Variants in DPP9 observed in about 807,000 individuals in gnomAD.
DPP9 encodes the protein dipeptidyl peptidase 9.
A neutral mutation model predicts 110.7 loss-of-function variants in DPP9; 50 were observed. The ratio of observed to expected loss-of-function variants is 0.45; its 90% CI spans 0.36 to 0.57. DPP9 has a LOEUF of 0.57. Among genes scored for constraint, DPP9 ranks in the 20% least tolerant of loss-of-function variants. The pLI, the probability that DPP9 is intolerant of heterozygous loss-of-function variation, is 0.00. For synonymous variants in DPP9, 561 were observed against 514.4 expected, an observed-to-expected ratio of 1.09 and a Z score of -1.23; for missense variants, 1,022 against 1,217.9, an observed-to-expected ratio of 0.84 and a Z score of 2.39.
At chr19:4,714,897 A>G (rs1000969100) in intron 3 of DPP9, among the ~76,000 whole-genome samples, 2 of 152,054 alleles carry the variant, frequency 1.3e-5, no homozygotes, top group African/African-American at 4.8e-5. Flanking sequence ...GCCTTCACTC[A>G]GCTCCTCAAA....
intron 10 of DPP9, among the ~76,000 whole-genome samples, chr19:4,699,575 G>A (rs2092087100): frequency 6.6e-6 from 1 of 152,164 alleles, no homozygotes. Context: ...GGTCACAGGT[G>A]TGGTCTGCTG....
chr19:4,683,125 G>T, intron 19 of DPP9: 1 of 1,468,218 alleles, frequency 6.8e-7, no homozygotes, highest in Middle Eastern at 2.4e-4. Flanking sequence ...CATCGCCGCC[G>T]CCCCGCAGTG....
chr19:4,723,017 G>T (rs1034787653), intron 1 of DPP9, among the ~76,000 whole-genome samples: 1 of 152,168 alleles, frequency 6.6e-6, no homozygotes, highest in African/African-American at 2.4e-5. Context: ...GAGAAGGGAG[G>T]CTGAGAGAAG....
chr19:4,722,738 AC>A, intron 1 of DPP9, 187 bp from the exon 2 acceptor site: 1 of 580,626 alleles, frequency 1.7e-6, no homozygotes, highest in Non-Finnish European at 3.1e-6. Context: ...AAGCCATCCC[AC>A]GGGCCCCGAT....
rs780405792 is a variant in DPP9 at position 4,694,719 on chromosome 19, G to C, written c.1458C>G (p.Val486=). 3 of 1,613,524 alleles carry C rather than the reference G, an allele frequency of 1.9e-6. No homozygotes were observed. The East Asian group carries it at 6.7e-5, about 36-fold the overall frequency. ...CKTGFCHLYK[V]TAVLKSQGYD... ...AGCCCTGGGATTTTAAAACGGCGGT[G>C]ACTTTGTACAAATGGCAGAAGCCGG... is the stretch of plus-strand genomic sequence containing the variant. The change falls in exon 13 of 22, where the codon GTC becomes GTG. Residue 486 remains valine, a synonymous_variant. Coordinates refer to ENST00000262960, the MANE Select transcript of DPP9 (RefSeq NM_139159.5). This position sits in a 1 kb window ranked among gnomAD's most constrained non-coding sequence, Gnocchi z 4.0.
intron 3 of DPP9, chr19:4,717,719 G>C (rs943347261): frequency 6.6e-6 from 1 of 152,256 alleles, no homozygotes; most frequent in Non-Finnish European, 1.5e-5. Flanking sequence ...GATGTGGCTA[G>C]ACTCTTTAGC....
At position 4,685,477 on chromosome 19, in the gene DPP9, A is replaced by C. The variant is rs1468206708; in HGVS notation, c.2031+149T>G. ...GTGAGGGGCCCCGAGGACCCTGTGT[A>C]GTCAGGGCAGGCGGGGTGGGCTGGG... On this transcript the variant is annotated intron_variant, in intron 17 of 21. Coordinates refer to ENST00000262960, the MANE Select transcript of DPP9 (RefSeq NM_139159.5). This position sits in a 1 kb window ranked among gnomAD's most constrained non-coding sequence, Gnocchi z 5.8. 1 of 887,934 alleles carries C rather than the reference A, an allele frequency of 1.1e-6. No individual in the cohort carries two copies. Among genetic ancestry groups the C allele is most frequent in the Non-Finnish European group, 1.7e-6 (1 of 571,578 alleles). The allele number at this position is 887,934 out of a possible 1,614,324, so 55.0% of individuals were successfully genotyped here.
intron 4 of DPP9, among the ~76,000 whole-genome samples, chr19:4,709,241 T>A (rs1482634139): frequency 6.6e-6 from 1 of 151,884 alleles, no homozygotes; most frequent in Non-Finnish European, 1.5e-5. Flanking sequence ...TTTTTTTTTT[T>A]AAAGAAAGAA....
chr19:4,710,240 C>T lies in DPP9; in HGVS notation c.313+3841G>A, dbSNP rs562913247. Among the ~76,000 whole-genome samples the T allele has an allele frequency of 6.6e-6, 1 of 152,322 alleles. No individual in the cohort carries two copies. Among genetic ancestry groups the T allele is most frequent in the East Asian group, 1.9e-4 (1 of 5,178 alleles). The stretch of plus-strand genomic sequence containing the variant: ...TCGAGTGGCTGGCCTGGTGGGGGAT[C>T]GTGATCCACACAGGGCTAGGGCTCT... On this transcript the variant is annotated intron_variant, in intron 4 of 21. Coordinates refer to ENST00000262960, the MANE Select transcript of DPP9 (RefSeq NM_139159.5). The surrounding 1 kb of genome is among the most constrained non-coding windows in gnomAD (Gnocchi z 5.6).
intron 19 of DPP9, 97 bp downstream of exon 19, chr19:4,683,380 G>C: frequency 5.1e-6 from 8 of 1,554,106 alleles, no homozygotes; most frequent in Non-Finnish European, 7.0e-6. Flanking sequence ...TCCCCGGTAG[G>C]TGGGCTCCGG....
At chr19:4,683,127 C>T in intron 19 of DPP9, 2 of 1,470,312 alleles carry the variant, frequency 1.4e-6, no homozygotes, top group African/African-American at 1.4e-5. Flanking sequence ...TCGCCGCCGC[C>T]CCGCAGTGCC....
intron 13 of DPP9, among the ~76,000 whole-genome samples, chr19:4,691,838 C>T (rs914358664): frequency 4.0e-5 from 6 of 150,970 alleles, no homozygotes; most frequent in African/African-American, 7.3e-5. Flanking sequence ...CCACCATGCC[C>T]GGCTGGATTT....
At chr19:4,697,851 A>C (rs2091930644) in intron 10 of DPP9, among the ~76,000 whole-genome samples, 200 bp from the exon 11 acceptor site, 1 of 150,986 alleles carries the variant, frequency 6.6e-6, no homozygotes, top group Non-Finnish European at 1.5e-5. Context: ...TGTGTGGATG[A>C]GGGTGGGCCC....
rs2090638403 is a variant in DPP9 at position 4,685,938 on chromosome 19, A to G, written c.1886-167T>C. ...AAAAAACGTTTTTTTTTCATTAAAT[A>G]AGATTTGTACAGTTTTTGTAGAGAT... On this transcript the variant is annotated intron_variant, in intron 16 of 21. Coordinates refer to ENST00000262960, the MANE Select transcript of DPP9 (RefSeq NM_139159.5). The surrounding 1 kb of genome is among the most constrained non-coding windows in gnomAD (Gnocchi z 5.8). 1.4e-6 allele frequency: 1 copy of G among 734,550 alleles called. No individual in the cohort carries two copies. The highest frequency in any genetic ancestry group is 1.8e-5 in the African/African-American group (1 of 56,024). 45.5% of individuals were successfully genotyped at this position (734,550 alleles called of 1,614,324 possible). A position where few individuals can be genotyped will look rare whatever the true frequency, so the allele number is the denominator to read the frequency against.
At position 4,676,706 on chromosome 19, in the gene DPP9, G is replaced by A. The variant is rs1341369635; in HGVS notation, c.2587-50C>T. On this transcript the variant is annotated intron_variant, in intron 21 of 21. Transcript: ENST00000262960. The surrounding 1 kb of genome is among the most constrained non-coding windows in gnomAD (Gnocchi z 4.0). ...TGGGGGGCGTGGCCGGACCACCCCC[G>A]TGTCCTAGGCTCCTCCCTTATTCTG... 6.9e-7 allele frequency: 1 copy of A among 1,456,704 alleles called. No homozygotes were observed. Among genetic ancestry groups the A allele is most frequent in the South Asian group, 1.2e-5 (1 of 82,710 alleles). 90.2% of individuals were successfully genotyped at this position (1,456,704 alleles called of 1,614,324 possible). A position where few individuals can be genotyped will look rare whatever the true frequency, so the allele number is the denominator to read the frequency against.
At chr19:4,722,141 G>A in intron 2 of DPP9, 1 of 262,148 alleles carries the variant, frequency 3.8e-6, no homozygotes, top group Admixed American at 5.1e-5. Context: ...CCACAGGAAG[G>A]GGGAGACTCA....
In DPP9 at chr19:4,687,034, G is replaced by T. The variant is rs548709289; in HGVS notation, c.1886-1263C>A. On this transcript the variant is annotated intron_variant, in intron 16 of 21. Coordinates refer to ENST00000262960, the MANE Select transcript of DPP9 (RefSeq NM_139159.5). This position sits in a 1 kb window ranked among gnomAD's most constrained non-coding sequence, Gnocchi z 4.7. The stretch of plus-strand genomic sequence containing the variant: ...CGGGAAACAGTGCCTCGTTCCCCAG[G>T]GCACTGAGGTTCTGGTCTCTGCCCC... Among the ~76,000 whole-genome samples, 2 of 152,272 alleles carry T rather than the reference G, an allele frequency of 1.3e-5. No individual in the cohort carries two copies. Among genetic ancestry groups the T allele is most frequent in the East Asian group, 3.9e-4 (2 of 5,180 alleles).
At chr19:4,706,612 T>G (rs1267483571) in intron 4 of DPP9, among the ~76,000 whole-genome samples, 1 of 152,022 alleles carries the variant, frequency 6.6e-6, no homozygotes, top group Non-Finnish European at 1.5e-5. Context: ...GGTCAGGAGT[T>G]CGAGACCAGA....
In DPP9 at chr19:4,722,545, CA is replaced by C; in HGVS notation, c.-83del. On this transcript the variant is annotated 5_prime_UTR_variant, in exon 2 of 22. Transcript: ENST00000262960. The stretch of plus-strand genomic sequence containing the variant: ...CTCCATTCCAGCTGCAGGCGTGGGA[CA>C]CAGACCTTTATAGGATAAACATGTC... 1.4e-6 allele frequency: 1 copy of C among 703,144 alleles called. No homozygotes were observed. The highest frequency in any genetic ancestry group is 1.7e-5 in the African/African-American group (1 of 57,384). 43.6% of individuals were successfully genotyped at this position (703,144 alleles called of 1,614,324 possible).
Sources: allele counts gnomAD v4.1 joint callset (sites outside exome capture counted in the v4.1 genomes callset), GRCh38; gene constraint gnomAD v4.1.1; non-coding constraint Gnocchi (gnomAD v3.1); transcripts MANE v1.5; gene names NCBI Gene and HGNC (gene_info 2026-07-23, HGNC 2026-07-21).